The following ASIC2 variants were observed in gnomAD, a reference collection of about 807,000 sequenced individuals.
The protein encoded by ASIC2 is acid-sensing ion channel 2.
In ASIC2, 25 loss-of-function variants were observed where a neutral mutation model predicts 57.3. The ratio of observed to expected loss-of-function variants is 0.44; its 90% CI spans 0.32 to 0.61. The LOEUF is 0.61. ASIC2 is among the 20% of genes least tolerant of loss of function. The pLI, the probability that ASIC2 is intolerant of heterozygous loss-of-function variation, is 0.06. For synonymous variants in ASIC2, 319 were observed against 307.5 expected (o/e 1.04, Z -0.39); for missense variants, 641 against 738.1 (o/e 0.87, Z 1.52).
chr17:33,262,849 C>T (rs1341430754), intron 1 of ASIC2, among the ~76,000 whole-genome samples: 1 of 152,234 alleles, frequency 6.6e-6, no homozygotes, highest in East Asian at 1.9e-4. Context: ...CATTCCCAAG[C>T]CACAAGAGAA....
intron 1 of ASIC2, among the ~76,000 whole-genome samples, chr17:34,063,132 C>A (rs573257270): frequency 4.6e-5 from 7 of 152,240 alleles, no homozygotes; most frequent in African/African-American, 1.4e-4. Flanking sequence ...AAAATACTAG[C>A]TAACTGACTC....
intron 1 of ASIC2, among the ~76,000 whole-genome samples, chr17:34,084,688 T>A (rs1306753175): frequency 6.6e-6 from 1 of 152,204 alleles, no homozygotes; most frequent in Non-Finnish European, 1.5e-5. Flanking sequence ...GGAATGTTCT[T>A]CCATTTGTTT....
At chr17:33,233,924 C>A (rs2142111314) in intron 1 of ASIC2, among the ~76,000 whole-genome samples, 1 of 152,316 alleles carries the variant, frequency 6.6e-6, no homozygotes, top group African/African-American at 2.4e-5. Context: ...GGCGGGACAG[C>A]CCTGCTGAGC....
intron 1 of ASIC2, among the ~76,000 whole-genome samples, chr17:33,996,420 A>G (rs1906163527): frequency 6.6e-6 from 1 of 152,184 alleles, no homozygotes; most frequent in South Asian, 2.1e-4. Context: ...CAAAAAAGTC[A>G]TTGCCTAGGC....
intron 1 of ASIC2, among the ~76,000 whole-genome samples, chr17:33,766,952 T>A (rs1910952424): frequency 6.6e-6 from 1 of 152,258 alleles, no homozygotes; most frequent in African/African-American, 2.4e-5. Context: ...CAAAAATATG[T>A]GGCAGCCCAG....
chr17:33,596,226 T>G (rs1204978797), intron 1 of ASIC2, among the ~76,000 whole-genome samples: 1 of 152,196 alleles, frequency 6.6e-6, no homozygotes, highest in Non-Finnish European at 1.5e-5. Flanking sequence ...TCTCTTCTCC[T>G]TCCTCTAATT....
At chr17:33,071,823 C>A (rs994898228) in intron 3 of ASIC2, among the ~76,000 whole-genome samples, 2 of 152,214 alleles carry the variant, frequency 1.3e-5, no homozygotes, top group East Asian at 3.9e-4. Flanking sequence ...GATGCAAGAC[C>A]CTTGTGGATA....
chr17:33,939,316 A>G (rs948476315), intron 1 of ASIC2, among the ~76,000 whole-genome samples: 23 of 152,238 alleles, frequency 1.5e-4, no homozygotes, highest in African/African-American at 5.3e-4. Context: ...GTCAAGTAAC[A>G]TTCTCAAGGC....
chr17:33,481,275 T>C (rs1486428400), intron 1 of ASIC2, among the ~76,000 whole-genome samples: 1 of 152,190 alleles, frequency 6.6e-6, no homozygotes, highest in Non-Finnish European at 1.5e-5. Flanking sequence ...GCGTGCTTAC[T>C]CTTCATAGTG....
At chr17:33,702,308 A>T (rs1040129968) in intron 1 of ASIC2, among the ~76,000 whole-genome samples, 3 of 152,064 alleles carry the variant, frequency 2.0e-5, no homozygotes, top group Non-Finnish European at 4.4e-5. Context: ...CTGGGGTTAG[A>T]GGGGGGGTAT....
intron 1 of ASIC2, among the ~76,000 whole-genome samples, chr17:33,577,968 C>T (rs549402132): frequency 6.6e-6 from 1 of 152,196 alleles, no homozygotes; most frequent in African/African-American, 2.4e-5. Context: ...AGCCTGGCCA[C>T]GCTTCTGTTG....
intron 1 of ASIC2, among the ~76,000 whole-genome samples, chr17:33,195,090 A>G (rs1906571949): frequency 6.6e-6 from 1 of 152,188 alleles, no homozygotes; most frequent in Non-Finnish European, 1.5e-5. Context: ...ACAAATTATT[A>G]TTCAGCTGGC....
In ASIC2 at chr17:33,481,513, T is replaced by C. The variant is rs16968433; in HGVS notation, c.556-369446A>G. On this transcript the variant is annotated intron_variant, in intron 1 of 9. Coordinates refer to the ASIC2 transcript ENST00000359872. Reference sequence around the variant, plus strand: ...TGTGGGGAGGTTGCTCCATTGATCATCCATTCACAAGAAAGAGTCCACAAA... The same window carrying C: ...TGTGGGGAGGTTGCTCCATTGATCACCCATTCACAAGAAAGAGTCCACAAA... 6.0e-3 allele frequency among the ~76,000 whole-genome samples: 767 copies of C among 127,358 alleles called. 10 individuals carry two copies. The highest frequency in any genetic ancestry group is 0.021 in the African/African-American group (732 of 34,228). 83.6% of individuals were successfully genotyped at this position (127,358 alleles called of 152,430 possible). A position where few individuals can be genotyped will look rare whatever the true frequency, so the allele number is the denominator to read the frequency against.
rs372132349 is a variant in ASIC2 at position 33,844,599 on chromosome 17, G to A, written c.555+311379C>T. On this transcript the variant is annotated intron_variant, in intron 1 of 9. Transcript: ENST00000359872. ...TGAGCATATGAAAACAGAGATGATAGTCATCTGGGAATGGAGAGTAACCGG... is the reference window on the plus strand; with the variant it reads ...TGAGCATATGAAAACAGAGATGATAATCATCTGGGAATGGAGAGTAACCGG... Among the ~76,000 whole-genome samples, 427 of 152,334 alleles carry A rather than the reference G, an allele frequency of 2.8e-3. 6 individuals carry two copies. Among genetic ancestry groups the A allele is most frequent in the African/African-American group, 9.7e-3 (405 of 41,582 alleles).
Position 33,024,023 on chromosome 17 carries a change from G to A in ASIC2, c.1196-9C>T, listed in dbSNP as rs1187380459. ...CTTTTCCGCCAACAGACCTGGAGGGGAGAGTGAGGTGGGGCTTAGTCAGGT... is the reference window on the plus strand; with the variant it reads ...CTTTTCCGCCAACAGACCTGGAGGGAAGAGTGAGGTGGGGCTTAGTCAGGT... On this transcript the variant is annotated splice_polypyrimidine_tract_variant and intron_variant, in intron 5 of 9. Coordinates refer to ENST00000225823, the MANE Select transcript of ASIC2 (RefSeq NM_183377.2). 1 of 1,613,948 alleles carries A rather than the reference G, an allele frequency of 6.2e-7. No individual in the cohort carries two copies. Among genetic ancestry groups the A allele is most frequent in the Non-Finnish European group, 8.5e-7 (1 of 1,180,010 alleles).
chr17:33,487,718 C>T (rs898640291), intron 1 of ASIC2, among the ~76,000 whole-genome samples: 4 of 152,202 alleles, frequency 2.6e-5, no homozygotes, highest in Admixed American at 1.3e-4. Flanking sequence ...CAGCTGCCAG[C>T]GTGGCCAGAA....
At chr17:33,508,530 C>A (rs993545622) in intron 1 of ASIC2, among the ~76,000 whole-genome samples, 9 of 152,112 alleles carry the variant, frequency 5.9e-5, no homozygotes, top group Non-Finnish European at 1.0e-4. Context: ...CCAAGTTGGA[C>A]CTCAAGCAAG....
intron 1 of ASIC2, among the ~76,000 whole-genome samples, chr17:33,202,011 C>T (rs916110629): frequency 1.1e-5 from 1 of 92,778 alleles, no homozygotes; most frequent in African/African-American, 4.9e-5. Flanking sequence ...CACGGTGAGA[C>T]TGTCTCAAAA....
intron 1 of ASIC2, among the ~76,000 whole-genome samples, chr17:33,917,855 T>TACACACACAC (rs10645495): frequency 1.1e-4 from 15 of 139,168 alleles, no homozygotes; most frequent in African/African-American, 4.1e-4. Flanking sequence ...TAAAGCCCGG[T>TACACACACAC]ACACACACAC....
Sources: gnomAD v4.1 joint callset for allele counts (sites outside exome capture counted in the v4.1 genomes callset) on GRCh38, gnomAD v4.1.1 for gene constraint, MANE v1.5 for transcripts, NCBI Gene and HGNC (gene_info 2026-07-23, HGNC 2026-07-21) for gene names.